The following TTC17 variants were observed in gnomAD, a reference collection of about 807,000 sequenced individuals.
TTC17 encodes tetratricopeptide repeat domain 17.
TTC17 carries 58 observed loss-of-function variants against 143.8 expected under a neutral mutation model. The observed-to-expected ratio is 0.40, with a 90% CI of 0.33 to 0.50. TTC17 has a LOEUF of 0.50. Ranked by LOEUF, TTC17 falls within the 20% of genes least tolerant of loss-of-function variation. TTC17 has a pLI of 0.49. For missense variants in TTC17, 1,273 were observed against 1,392.5 expected (o/e 0.91, Z 1.37); for synonymous variants, 501 against 497.8 (o/e 1.01, Z -0.09).
At chr11:43,448,211 G>A in intron 19 of TTC17, 89 bp downstream of exon 19, 2 of 1,538,104 alleles carry the variant, frequency 1.3e-6, no homozygotes, top group African/African-American at 1.4e-5. Context: ...GCAGCTAGTA[G>A]AAGAGTTATC....
intron 9 of TTC17, among the ~76,000 whole-genome samples, chr11:43,400,780 T>C (rs1857818687): frequency 6.6e-6 from 1 of 152,188 alleles, no homozygotes; most frequent in African/African-American, 2.4e-5. Context: ...TTATAGGAAC[T>C]TGGGTTGGCA....
chr11:43,479,627 C>T (rs1051798572), intron 21 of TTC17, among the ~76,000 whole-genome samples: 2 of 152,202 alleles, frequency 1.3e-5, no homozygotes, highest in African/African-American at 4.8e-5. Context: ...TATCTTAAAG[C>T]ATCCATTTCA....
intron 1 of TTC17, among the ~76,000 whole-genome samples, chr11:43,369,816 T>A (rs1856493371): frequency 6.6e-6 from 1 of 151,918 alleles, no homozygotes; most frequent in Non-Finnish European, 1.5e-5. Context: ...AGGGTTTCAC[T>A]ATGTTGGCCA....
intron 2 of TTC17, among the ~76,000 whole-genome samples, chr11:43,386,981 C>T (rs1021629726): frequency 6.6e-6 from 1 of 152,026 alleles, no homozygotes; most frequent in Non-Finnish European, 1.5e-5. Context: ...GATGGGGTCT[C>T]GCAGTATTGC....
At chr11:43,378,195 G>A (rs1034850021) in intron 1 of TTC17, among the ~76,000 whole-genome samples, 4 of 152,076 alleles carry the variant, frequency 2.6e-5, no homozygotes, top group African/African-American at 2.4e-5. Context: ...AAGCCACCGC[G>A]CCCAGCCTTG....
At chr11:43,477,777 TTAAAAG>T (rs1948212251) in intron 21 of TTC17, among the ~76,000 whole-genome samples, 1 of 152,188 alleles carries the variant, frequency 6.6e-6, no homozygotes, top group Non-Finnish European at 1.5e-5. Flanking sequence ...GTAGATATAA[TTAAAAG>T]TAAAAAGCAT....
chr11:43,408,564 T>C (rs928160163), intron 15 of TTC17, among the ~76,000 whole-genome samples: 1 of 152,218 alleles, frequency 6.6e-6, no homozygotes, highest in Non-Finnish European at 1.5e-5. Context: ...ATTCCCTTTT[T>C]ACTGTTTTCA....
intron 16 of TTC17, among the ~76,000 whole-genome samples, chr11:43,439,459 GT>G (rs567441654): frequency 3.5e-5 from 5 of 143,444 alleles, no homozygotes; most frequent in South Asian, 2.2e-4. Flanking sequence ...TTCATGTCTT[GT>G]TTTTTTTTGG....
At chr11:43,428,936 T>G (rs1947090092) in intron 16 of TTC17, among the ~76,000 whole-genome samples, 1 of 152,214 alleles carries the variant, frequency 6.6e-6, no homozygotes, top group African/African-American at 2.4e-5. Flanking sequence ...ACTTTTGAGG[T>G]CAGTCAGCAC....
At chr11:43,485,952 C>G (rs904536761) in intron 21 of TTC17, among the ~76,000 whole-genome samples, 1 of 143,100 alleles carries the variant, frequency 7.0e-6, no homozygotes, top group Non-Finnish European at 1.5e-5. Flanking sequence ...TTGGTATCTA[C>G]TCTAGACTAT....
At chr11:43,492,211 C>T in intron 23 of TTC17, 48 bp downstream of exon 23, 1 of 1,569,786 alleles carries the variant, frequency 6.4e-7, no homozygotes, top group South Asian at 1.2e-5. Flanking sequence ...CAAACAGTAG[C>T]ACATCTTTGA....
intron 1 of TTC17, chr11:43,370,259 C>T: frequency 3.2e-6 from 1 of 310,506 alleles, no homozygotes; most frequent in Non-Finnish European, 6.4e-6. Flanking sequence ...CATTCCATCC[C>T]TGTGAAACTC....
At chr11:43,405,490 T>TTTA in intron 11 of TTC17, 24 bp from the exon 12 acceptor site, 2 of 1,563,670 alleles carry the variant, frequency 1.3e-6, no homozygotes, top group Non-Finnish European at 1.8e-6. Context: ...AAGAAATTTA[T>TTTA]GAGAAATTTT....
intron 1 of TTC17, chr11:43,370,523 A>T (rs1470040945): frequency 6.6e-6 from 1 of 151,834 alleles, no homozygotes; most frequent in Non-Finnish European, 1.5e-5. Flanking sequence ...ACCTAAGCTT[A>T]TATTTGTCAT....
At chr11:43,429,449 C>T (rs1334636646) in intron 16 of TTC17, among the ~76,000 whole-genome samples, 1 of 152,154 alleles carries the variant, frequency 6.6e-6, no homozygotes, top group Non-Finnish European at 1.5e-5. Context: ...ACCTGTTACT[C>T]TGTGTGGTGC....
At chr11:43,413,177 C>A (rs1191023955) in intron 15 of TTC17, among the ~76,000 whole-genome samples, 1 of 152,110 alleles carries the variant, frequency 6.6e-6, no homozygotes, top group Non-Finnish European at 1.5e-5. Context: ...AGTAGACCAC[C>A]ATGAATATGG....
chr11:43,418,090 A>G (rs1189630157), intron 16 of TTC17, among the ~76,000 whole-genome samples: 2 of 152,246 alleles, frequency 1.3e-5, no homozygotes, highest in African/African-American at 4.8e-5. Flanking sequence ...AAAATACACA[A>G]TCACTATGCT....
At chr11:43,359,484 C>G (rs570585270) in intron 1 of TTC17, among the ~76,000 whole-genome samples, 122 of 152,310 alleles carry the variant, frequency 8.0e-4, no homozygotes, top group African/African-American at 2.9e-3. Context: ...GTCACCGGCC[C>G]TCCCCGAGGA....
rs905630446 is a variant in TTC17 at position 43,494,211 on chromosome 11, A to G, written c.*307A>G. 3.4e-5 allele frequency: 7 copies of G among 207,294 alleles called. No individual in the cohort carries two copies. The highest frequency in any genetic ancestry group is 1.2e-4 in the East Asian group (1 of 8,222). 12.8% of individuals were successfully genotyped at this position (207,294 alleles called of 1,614,324 possible). A position where few individuals can be genotyped will look rare whatever the true frequency, so the allele number is the denominator to read the frequency against. ...CTGTGCTCTGTCTCCAAAAACCTCAATGCCTTTAGGGCTTTTCTCAGTGGT... is the reference window on the plus strand; with the variant it reads ...CTGTGCTCTGTCTCCAAAAACCTCAGTGCCTTTAGGGCTTTTCTCAGTGGT... On this transcript the variant is annotated 3_prime_UTR_variant, in exon 24 of 24. Transcript: ENST00000039989.
Sources: allele counts gnomAD v4.1 joint callset (sites outside exome capture counted in the v4.1 genomes callset), GRCh38; gene constraint gnomAD v4.1.1; transcripts MANE v1.5; gene names NCBI Gene and HGNC (gene_info 2026-07-23, HGNC 2026-07-21).